The following CEP112 variants were observed in gnomAD, a reference collection of about 807,000 sequenced individuals.
CEP112 encodes centrosomal protein 112.
In CEP112, 127 loss-of-function variants were observed where a neutral mutation model predicts 153.0. The ratio of observed to expected loss-of-function variants is 0.83; its 90% CI spans 0.72 to 0.96. The LOEUF is 0.96. Among genes scored for constraint, CEP112 ranks in the 40% least tolerant of loss-of-function variants. The pLI is 0.00. For missense variants in CEP112, 1,089 were observed against 1,101.2 expected, an observed-to-expected ratio of 0.99 and a Z score of 0.16; for synonymous variants, 358 against 374.4, an observed-to-expected ratio of 0.96 and a Z score of 0.51.
At chr17:66,002,463 T>C (rs1171003469) in intron 17 of CEP112, among the ~76,000 whole-genome samples, 1 of 152,106 alleles carries the variant, frequency 6.6e-6, no homozygotes, top group Non-Finnish European at 1.5e-5. Flanking sequence ...TATCTGGTCA[T>C]GTAACAAGGT....
intron 6 of CEP112, among the ~76,000 whole-genome samples, chr17:66,100,392 T>A (rs1173339120): frequency 1.6e-5 from 2 of 127,334 alleles, no homozygotes; most frequent in Non-Finnish European, 1.6e-5. Context: ...AGAGTGAGAT[T>A]CCCGTCTCAA....
At chr17:66,054,906 G>A (rs776586621) in intron 11 of CEP112, among the ~76,000 whole-genome samples, 6 of 152,044 alleles carry the variant, frequency 3.9e-5, no homozygotes, top group Non-Finnish European at 5.9e-5. Context: ...AAAGGCAGCC[G>A]CCAAAACATC....
intron 21 of CEP112, among the ~76,000 whole-genome samples, chr17:65,758,459 A>C (rs1267863792): frequency 6.6e-6 from 1 of 152,196 alleles, no homozygotes; most frequent in Non-Finnish European, 1.5e-5. Context: ...TAATTATCTT[A>C]ATGTGCTACC....
chr17:66,116,781 G>A (rs1438913848), intron 6 of CEP112, among the ~76,000 whole-genome samples: 1 of 151,228 alleles, frequency 6.6e-6, no homozygotes, highest in Non-Finnish European at 1.5e-5. Context: ...CTTTGTTCTG[G>A]AACCATACTT....
chr17:66,009,267 T>C (rs1400054051), intron 16 of CEP112, among the ~76,000 whole-genome samples: 1 of 151,736 alleles, frequency 6.6e-6, no homozygotes, highest in African/African-American at 2.4e-5. Context: ...TAAGGTGATA[T>C]TTCATTTTAG....
chr17:65,958,141 T>C (rs1371859423), intron 18 of CEP112, among the ~76,000 whole-genome samples: 1 of 152,200 alleles, frequency 6.6e-6, no homozygotes, highest in Non-Finnish European at 1.5e-5. Context: ...CATCCTTTCA[T>C]ATGATGGTTT....
intron 8 of CEP112, among the ~76,000 whole-genome samples, chr17:66,077,074 T>G (rs1215129590): frequency 6.6e-6 from 1 of 152,128 alleles, no homozygotes; most frequent in Non-Finnish European, 1.5e-5. Flanking sequence ...GTCCTAGACT[T>G]TTCTCAGAGC....
At chr17:66,180,203 A>T (rs965116970) in intron 2 of CEP112, among the ~76,000 whole-genome samples, 2 of 152,140 alleles carry the variant, frequency 1.3e-5, no homozygotes, top group African/African-American at 4.8e-5. Flanking sequence ...GGCCTCGCAG[A>T]ATGACTTTGA....
At chr17:65,904,260 G>C (rs1598952609) in intron 19 of CEP112, among the ~76,000 whole-genome samples, 1 of 152,100 alleles carries the variant, frequency 6.6e-6, no homozygotes, top group Non-Finnish European at 1.5e-5. Flanking sequence ...AAAGTCTCAG[G>C]ACACAAAATC....
At chr17:65,793,897 C>G (rs1183697834) in intron 21 of CEP112, among the ~76,000 whole-genome samples, 1 of 152,202 alleles carries the variant, frequency 6.6e-6, no homozygotes, top group Non-Finnish European at 1.5e-5. Context: ...TATCTTATTT[C>G]TCTGTGAGTG....
At chr17:65,687,160 A>ATTTTTTT (rs35675811) in intron 24 of CEP112, among the ~76,000 whole-genome samples, 14 of 90,162 alleles carry the variant, frequency 1.6e-4, no homozygotes, top group East Asian at 3.5e-4. Flanking sequence ...GTTATTATTA[A>ATTTTTTT]TTTTTTTTTT....
intron 19 of CEP112, among the ~76,000 whole-genome samples, chr17:65,918,352 T>G (rs531591470): frequency 6.6e-6 from 1 of 152,200 alleles, no homozygotes; most frequent in Non-Finnish European, 1.5e-5. Flanking sequence ...TTGCTTATCT[T>G]GCAGAATTTG....
intron 24 of CEP112, among the ~76,000 whole-genome samples, chr17:65,667,737 T>G (rs2046767503): frequency 2.0e-5 from 3 of 152,158 alleles, no homozygotes; most frequent in African/African-American, 7.2e-5. Flanking sequence ...TTTGTGATAT[T>G]TGTATACTGA....
intron 21 of CEP112, among the ~76,000 whole-genome samples, chr17:65,830,985 G>T (rs889779509): frequency 6.6e-6 from 1 of 152,172 alleles, no homozygotes; most frequent in Non-Finnish European, 1.5e-5. Flanking sequence ...CAATGTTTTA[G>T]TTCTAATGCT....
At chr17:65,853,857 A>G (rs553679607) in intron 20 of CEP112, among the ~76,000 whole-genome samples, 1 of 152,338 alleles carries the variant, frequency 6.6e-6, no homozygotes, top group South Asian at 2.1e-4. Context: ...CTGTGGCCAA[A>G]GAATGTAGTC....
chr17:65,971,182 A>ATACGTGCATAACAT, intron 17 of CEP112, among the ~76,000 whole-genome samples: 2 of 151,948 alleles, frequency 1.3e-5, no homozygotes, highest in Non-Finnish European at 2.9e-5. Context: ...GCACATGTAC[A>ATACGTGCATAACAT]GCACATGCAT....
At chr17:66,082,982 T>C (rs1388528125) in intron 8 of CEP112, among the ~76,000 whole-genome samples, 5 of 152,166 alleles carry the variant, frequency 3.3e-5, no homozygotes, top group Admixed American at 2.0e-4. Flanking sequence ...AGTTGTATTT[T>C]ATTAAATAGC....
chr17:65,661,218 A>G (rs991300081), intron 24 of CEP112, among the ~76,000 whole-genome samples: 2 of 152,032 alleles, frequency 1.3e-5, no homozygotes, highest in Non-Finnish European at 2.9e-5. Context: ...ACCACTCTCC[A>G]TTCTTACATA....
At chr17:66,036,969 G>T (rs2065765056) in intron 12 of CEP112, among the ~76,000 whole-genome samples, 1 of 152,112 alleles carries the variant, frequency 6.6e-6, no homozygotes. Context: ...TAATTTGAAG[G>T]TTGTAGTGTT....
Sources: gnomAD v4.1 joint callset for allele counts (sites outside exome capture counted in the v4.1 genomes callset) on GRCh38, gnomAD v4.1.1 for gene constraint, MANE v1.5 for transcripts, NCBI Gene and HGNC (gene_info 2026-07-23, HGNC 2026-07-21) for gene names.